The following SGTA variants were observed in gnomAD, a reference collection of about 807,000 sequenced individuals.
SGTA encodes the protein small glutamine-rich tetratricopeptide repeat-containing protein alpha.
In SGTA, 22 loss-of-function variants were observed where a neutral mutation model predicts 44.3. That is an observed-to-expected ratio of 0.50 (90% confidence interval 0.36 to 0.71). SGTA has a LOEUF of 0.71. Among genes scored for constraint, SGTA ranks in the 30% least tolerant of loss-of-function variants. The pLI, the probability that SGTA is intolerant of heterozygous loss-of-function variation, is 0.00. For synonymous variants in SGTA, 174 were observed against 177.6 expected (o/e 0.98, Z 0.16); for missense variants, 341 against 435.9 (o/e 0.78, Z 1.94).
intron 1 of SGTA, among the ~76,000 whole-genome samples, chr19:2,777,254 A>G (rs1915463920): frequency 6.9e-6 from 1 of 144,884 alleles, no homozygotes. Flanking sequence ...TCCATCTCAG[A>G]AAAAAAAAAA....
At chr19:2,778,360 C>T (rs1457446717) in intron 1 of SGTA, among the ~76,000 whole-genome samples, 1 of 152,136 alleles carries the variant, frequency 6.6e-6, no homozygotes, top group Non-Finnish European at 1.5e-5. Flanking sequence ...GACAGGGTGG[C>T]AGGTGGCTAG....
chr19:2,760,363 C>A (rs1914949245), intron 8 of SGTA, among the ~76,000 whole-genome samples: 2 of 151,328 alleles, frequency 1.3e-5, no homozygotes, highest in Non-Finnish European at 2.9e-5. Context: ...TTAAAAAATA[C>A]CAAAATTAGC....
chr19:2,772,790 G>A (rs927637922), intron 1 of SGTA, among the ~76,000 whole-genome samples: 4 of 146,054 alleles, frequency 2.7e-5, no homozygotes, highest in African/African-American at 1.1e-4. Context: ...ACACGGCAGG[G>A]ACACCGAGGG....
Position 2,755,998 on chromosome 19 carries a change from C to G in SGTA, c.*7-65G>C. 2.2e-6 allele frequency: 2 copies of G among 924,748 alleles called. No homozygotes were observed. The highest frequency in any genetic ancestry group is 2.6e-6 in the Non-Finnish European group (2 of 774,868). The allele number at this position is 924,748 out of a possible 1,614,324, so 57.3% of individuals were successfully genotyped here. ...GGGGACCAAGGCTGCACCACACACT[C>G]CAGGCAGCAGGAGAGGCCCAGAGTG... is the stretch of plus-strand genomic sequence containing the variant. On this transcript the variant is annotated intron_variant, in intron 11 of 11. Transcript: ENST00000221566. The surrounding 1 kb of genome is among the most constrained non-coding windows in gnomAD (Gnocchi z 5.2).
rs772076226 is a variant in SGTA at position 2,757,671 on chromosome 19, T to G, written c.827+22A>C. On this transcript the variant is annotated intron_variant, in intron 10 of 11. Transcript: ENST00000221566. Reference sequence around the variant, plus strand: ...TGCCCGCCGCCCACGTCCTCCGTCCTCTTGGAAGCAGTTCCACTCACGCCT... The same window carrying G: ...TGCCCGCCGCCCACGTCCTCCGTCCGCTTGGAAGCAGTTCCACTCACGCCT... 9 of 1,534,432 alleles carry G rather than the reference T, an allele frequency of 5.9e-6. No individual in the cohort carries two copies. The East Asian group carries it at 1.9e-4, about 32-fold the overall frequency.
rs368691737 is a variant in SGTA at position 2,780,360 on chromosome 19, T to C, written c.-24+2873A>G. Reference sequence around the variant, plus strand: ...TTAGGATACCCGAGTTCTAGCTCAGTCTCCTGCCCACTCCCCACATCGAAG... The same window carrying C: ...TTAGGATACCCGAGTTCTAGCTCAGCCTCCTGCCCACTCCCCACATCGAAG... On this transcript the variant is annotated intron_variant, in intron 1 of 11. Transcript: ENST00000221566. 6.6e-5 allele frequency among the ~76,000 whole-genome samples: 10 copies of C among 152,196 alleles called. No homozygotes were observed. In the East Asian group the frequency reaches 1.9e-3, roughly 29 times the overall value.
chr19:2,755,836 C>A lies in SGTA; in HGVS notation c.*104G>T. On this transcript the variant is annotated 3_prime_UTR_variant, in exon 12 of 12. Coordinates refer to ENST00000221566, the MANE Select transcript of SGTA (RefSeq NM_003021.4). This position sits in a 1 kb window ranked among gnomAD's most constrained non-coding sequence, Gnocchi z 5.2. ...TGACATGCAGGTCCGAGGTCTCTCTCTTCCCCTCTCTCAGGCAGTCCAACA... is the reference window on the plus strand; with the variant it reads ...TGACATGCAGGTCCGAGGTCTCTCTATTCCCCTCTCTCAGGCAGTCCAACA... 1 of 985,582 alleles carries A rather than the reference C, an allele frequency of 1.0e-6. No homozygotes were observed. Among genetic ancestry groups the A allele is most frequent in the South Asian group, 4.7e-5 (1 of 21,292 alleles). 61.1% of individuals were successfully genotyped at this position (985,582 alleles called of 1,614,324 possible).
intron 1 of SGTA, among the ~76,000 whole-genome samples, chr19:2,779,812 C>A (rs1480086144): frequency 6.6e-6 from 1 of 152,180 alleles, no homozygotes; most frequent in African/African-American, 2.4e-5. Context: ...GTGGCTCACA[C>A]CTGTAATCCC....
intron 1 of SGTA, among the ~76,000 whole-genome samples, chr19:2,769,576 C>T (rs903272591): frequency 1.3e-5 from 2 of 152,096 alleles, no homozygotes; most frequent in African/African-American, 4.8e-5. Flanking sequence ...CTCAATTTAC[C>T]TCTTTTGTGG....
At position 2,755,579 on chromosome 19, in the gene SGTA, C is replaced by G; in HGVS notation, c.*361G>C. On this transcript the variant is annotated 3_prime_UTR_variant, in exon 12 of 12. Coordinates refer to ENST00000221566, the MANE Select transcript of SGTA (RefSeq NM_003021.4). This position sits in a 1 kb window ranked among gnomAD's most constrained non-coding sequence, Gnocchi z 5.2. ...GCTGTAAAAGGCTTTGGAAGCCACACGATCCGCCACACGGCTGAACGTGAA... is the reference window on the plus strand; with the variant it reads ...GCTGTAAAAGGCTTTGGAAGCCACAGGATCCGCCACACGGCTGAACGTGAA... 3 of 985,694 alleles carry G rather than the reference C, an allele frequency of 3.0e-6. No homozygotes were observed. Among genetic ancestry groups the G allele is most frequent in the South Asian group, 4.7e-5 (1 of 21,294 alleles). 61.1% of individuals were successfully genotyped at this position (985,694 alleles called of 1,614,324 possible). A position where few individuals can be genotyped will look rare whatever the true frequency, so the allele number is the denominator to read the frequency against.
At chr19:2,756,718 G>A (rs1337573159) in intron 11 of SGTA, among the ~76,000 whole-genome samples, 1 of 151,980 alleles carries the variant, frequency 6.6e-6, no homozygotes, top group Non-Finnish European at 1.5e-5. Flanking sequence ...GCCGGTGTCT[G>A]CTGGAGACGG....
At chr19:2,774,271 C>A (rs1391055905) in intron 1 of SGTA, among the ~76,000 whole-genome samples, 1 of 152,192 alleles carries the variant, frequency 6.6e-6, no homozygotes, top group East Asian at 1.9e-4. Context: ...CCAGGTTGGG[C>A]AGGGACGCGT....
At chr19:2,782,476 G>C (rs1169379852) in intron 1 of SGTA, 3 of 152,172 alleles carry the variant, frequency 2.0e-5, no homozygotes, top group African/African-American at 7.2e-5. Context: ...AATTGAATGT[G>C]GGTTTATCCT....
intron 1 of SGTA, among the ~76,000 whole-genome samples, chr19:2,769,833 G>T (rs1361668596): frequency 1.8e-5 from 2 of 111,660 alleles, no homozygotes; most frequent in Non-Finnish European, 3.6e-5. Context: ...TTCCCCCAGC[G>T]GACACCCTCC....
intron 1 of SGTA, chr19:2,782,555 G>C (rs1015120170): frequency 6.6e-6 from 1 of 152,138 alleles, no homozygotes; most frequent in African/African-American, 2.4e-5. Context: ...TGCTCAGAGA[G>C]GGAAGGCGAC....
intron 1 of SGTA, 145 bp from the exon 2 acceptor site, chr19:2,769,236 AC>A: frequency 1.7e-6 from 1 of 595,556 alleles, no homozygotes; most frequent in Non-Finnish European, 3.0e-6. Flanking sequence ...AGGCCTTAAT[AC>A]GCCCATTTCA....
In SGTA at chr19:2,767,232, G is replaced by A. The variant is rs1408020546; in HGVS notation, c.208-12C>T. ...TCCTGCGGCATCTCCTGGACCCGGA[G>A]GCAAAGGCGGCCCGCTGTCCTCTCC... On this transcript the variant is annotated splice_polypyrimidine_tract_variant and intron_variant, in intron 3 of 11. Coordinates refer to ENST00000221566, the MANE Select transcript of SGTA (RefSeq NM_003021.4). This position sits in a 1 kb window ranked among gnomAD's most constrained non-coding sequence, Gnocchi z 7.3. 2 of 1,598,976 alleles carry A rather than the reference G, an allele frequency of 1.3e-6. No individual in the cohort carries two copies. The highest frequency in any genetic ancestry group is 1.7e-6 in the Non-Finnish European group (2 of 1,172,696).
At chr19:2,771,574 TCG>T (rs1491114703) in intron 1 of SGTA, among the ~76,000 whole-genome samples, 1 of 71,948 alleles carries the variant, frequency 1.4e-5, no homozygotes, top group Non-Finnish European at 2.7e-5. Flanking sequence ...CACCTCCCCA[TCG>T]GGGGGGGGGG....
intron 9 of SGTA, among the ~76,000 whole-genome samples, chr19:2,758,700 C>T (rs1914900060): frequency 6.6e-6 from 1 of 152,188 alleles, no homozygotes; most frequent in Admixed American, 6.6e-5. Context: ...TCAAGCAGCA[C>T]CGTTCACAAC....
Sources: allele counts gnomAD v4.1 joint callset (sites outside exome capture counted in the v4.1 genomes callset), GRCh38; gene constraint gnomAD v4.1.1; non-coding constraint Gnocchi (gnomAD v3.1); transcripts MANE v1.5; gene names NCBI Gene and HGNC (gene_info 2026-07-23, HGNC 2026-07-21).